The following PPL variants were observed in gnomAD, a reference collection of about 807,000 sequenced individuals.
The protein encoded by PPL is 190 kDa paraneoplastic pemphigus antigen.
A neutral mutation model predicts 194.4 loss-of-function variants in PPL; 198 were observed. That is an observed-to-expected ratio of 1.02 (90% CI 0.91 to 1.15). The LOEUF (loss-of-function observed/expected upper bound fraction) is 1.15, where lower values mean the gene tolerates loss of function less well. Ranked by LOEUF, PPL falls within the 50% of genes most tolerant of loss-of-function variation. The pLI is 0.00. For missense variants in PPL, 2,885 were observed against 2,294.8 expected, an observed-to-expected ratio of 1.26 and a Z score of -5.25; for synonymous variants, 1,220 against 972.4, an observed-to-expected ratio of 1.25 and a Z score of -4.74.
At chr16:4,921,015 C>T (rs943222461) in intron 1 of PPL, among the ~76,000 whole-genome samples, 4 of 152,200 alleles carry the variant, frequency 2.6e-5, no homozygotes, top group African/African-American at 9.6e-5. Context: ...CTTGTTGACG[C>T]TGTGGGTCAG....
intron 12 of PPL, chr16:4,893,971 T>C: frequency 2.5e-6 from 1 of 397,874 alleles, no homozygotes; most frequent in Non-Finnish European, 4.5e-6. Context: ...ATCCACTCAT[T>C]CAGCAAGGAG....
Position 4,884,953 on chromosome 16 carries a change from T to C in PPL, c.3702A>G (p.Glu1234=). The change falls in exon 22 of 22, where the codon GAA becomes GAG. Residue 1234 remains glutamate (E), a synonymous_variant. Coordinates refer to ENST00000345988, the MANE Select transcript of PPL (RefSeq NM_002705.5). This position sits in a 1 kb window ranked among gnomAD's most constrained non-coding sequence, Gnocchi z 5.7. ...CAGGGTCAGTCTTGTACTTAATGAC[T>C]TCCTTAGTCACCTCTTTGACTTCCA... The part of the protein sequence containing the change: ...PQVEVKEVTK[E]VIKYKTDPEM... 2 of 1,614,144 alleles carry C rather than the reference T, an allele frequency of 1.2e-6. No individual in the cohort carries two copies. Among genetic ancestry groups the C allele is most frequent in the South Asian group, 2.2e-5 (2 of 91,090 alleles).
chr16:4,917,582 T>C (rs973948872), intron 1 of PPL, among the ~76,000 whole-genome samples: 1 of 152,126 alleles, frequency 6.6e-6, no homozygotes, highest in African/African-American at 2.4e-5. Context: ...ATCGTGGGGA[T>C]GGCTGTACAA....
intron 1 of PPL, among the ~76,000 whole-genome samples, chr16:4,924,331 C>G (rs911497220): frequency 6.6e-6 from 1 of 152,150 alleles, no homozygotes; most frequent in African/African-American, 2.4e-5. Flanking sequence ...CCCTGGCACA[C>G]AGACATACGT....
At chr16:4,889,736 G>T (rs890512522) in intron 18 of PPL, among the ~76,000 whole-genome samples, 15 of 152,230 alleles carry the variant, frequency 9.9e-5, no homozygotes, top group African/African-American at 3.4e-4. Flanking sequence ...TTATGAGTGA[G>T]GAAAGCTTCT....
intron 1 of PPL, among the ~76,000 whole-genome samples, chr16:4,922,131 G>C (rs2089062301): frequency 6.6e-6 from 1 of 151,974 alleles, no homozygotes; most frequent in Non-Finnish European, 1.5e-5. Context: ...CCAGACCAAA[G>C]CCAGACAGCC....
chr16:4,933,036 C>A (rs1337947024), intron 1 of PPL, among the ~76,000 whole-genome samples: 1 of 151,214 alleles, frequency 6.6e-6, no homozygotes, highest in Non-Finnish European at 1.5e-5. Flanking sequence ...GAGTCTCACT[C>A]TTTTACCCAG....
At chr16:4,923,817 G>A (rs781665293) in intron 1 of PPL, among the ~76,000 whole-genome samples, 1 of 152,062 alleles carries the variant, frequency 6.6e-6, no homozygotes, top group Non-Finnish European at 1.5e-5. Flanking sequence ...GGGTGTGGCC[G>A]CACCATGATT....
At chr16:4,915,139 G>A (rs969534756) in intron 1 of PPL, among the ~76,000 whole-genome samples, 5 of 152,232 alleles carry the variant, frequency 3.3e-5, no homozygotes, top group Non-Finnish European at 5.9e-5. Context: ...TGCAAGAAAA[G>A]CCACCTTCTG....
chr16:4,884,322 GC>G lies in PPL; in HGVS notation c.4332del (p.Gln1445ArgfsTer93). On this transcript the variant is annotated frameshift_variant, in exon 22 of 22. Coordinates refer to ENST00000345988, the MANE Select transcript of PPL (RefSeq NM_002705.5). LOFTEE classifies it high-confidence loss of function. This position sits in a 1 kb window ranked among gnomAD's most constrained non-coding sequence, Gnocchi z 5.7. ...GGGTCCTGCTGCAGCACCACCTTCT[GC>G]GTATGGGTTACCTTCTCACGGGCCT... ...EAEAREKVTH[T>X]QKVVLQQDPQ... 1.2e-6 allele frequency: 2 copies of G among 1,613,094 alleles called. No individual in the cohort carries two copies. Among genetic ancestry groups the G allele is most frequent in the Non-Finnish European group, 1.7e-6 (2 of 1,179,804 alleles).
chr16:4,920,880 G>A (rs2089036389), intron 1 of PPL, among the ~76,000 whole-genome samples: 2 of 152,342 alleles, frequency 1.3e-5, no homozygotes, highest in African/African-American at 2.4e-5. Context: ...AGGGATTACA[G>A]GCATGAGCCC....
At chr16:4,920,688 C>G (rs142778610) in intron 1 of PPL, among the ~76,000 whole-genome samples, 234 of 152,256 alleles carry the variant, frequency 1.5e-3, no homozygotes, top group African/African-American at 5.5e-3. Flanking sequence ...GTCTTGAACT[C>G]CTGATCAGGT....
chr16:4,933,626 C>T (rs1479417460), intron 1 of PPL, among the ~76,000 whole-genome samples: 1 of 152,160 alleles, frequency 6.6e-6, no homozygotes, highest in East Asian at 1.9e-4. Flanking sequence ...GTGGAGACCT[C>T]ATCTGTCCGG....
chr16:4,897,279 G>C (rs2088448852), intron 9 of PPL, among the ~76,000 whole-genome samples: 1 of 138,902 alleles, frequency 7.2e-6, no homozygotes, highest in African/African-American at 2.7e-5. Context: ...AGGTTGTAGT[G>C]AGCCGAGATG....
rs191730234 is a variant in PPL, at chr16:4,914,974, G to C, written c.63-4025C>G. On this transcript the variant is annotated intron_variant, in intron 1 of 21. Coordinates refer to ENST00000345988, the MANE Select transcript of PPL (RefSeq NM_002705.5). ...GCCAGGCCAGCTGCACCTAGAGGCGGTGAGTCTCACCCCAAATATTTAACC... is the reference window on the plus strand; with the variant it reads ...GCCAGGCCAGCTGCACCTAGAGGCGCTGAGTCTCACCCCAAATATTTAACC... 4.4e-3 allele frequency among the ~76,000 whole-genome samples: 672 copies of C among 152,294 alleles called. 2 individuals are homozygous for C. The highest frequency in any genetic ancestry group is 6.7e-3 in the Non-Finnish European group (457 of 68,016).
intron 18 of PPL, among the ~76,000 whole-genome samples, 180 bp downstream of exon 18, chr16:4,890,004 G>T (rs1417659630): frequency 6.6e-6 from 1 of 152,248 alleles, no homozygotes; most frequent in African/African-American, 2.4e-5. Context: ...GACACACTCG[G>T]TTCTTGTTCT....
chr16:4,923,052 G>A (rs1403071077), intron 1 of PPL, among the ~76,000 whole-genome samples: 1 of 152,182 alleles, frequency 6.6e-6, no homozygotes, highest in Non-Finnish European at 1.5e-5. Context: ...AGAGTCAGTA[G>A]GTTTGGGGAT....
Position 4,887,130 on chromosome 16 carries a change from G to C in PPL, c.2607+5C>G. On this transcript the variant is annotated splice_donor_5th_base_variant and intron_variant, in intron 21 of 21. Transcript: ENST00000345988. ...GAAGTAGAATTTCTTACTAAGATCA[G>C]TTACCTGTCTGAGGAGATTCAGAGC... The C allele has an allele frequency of 6.2e-7, 1 of 1,605,000 alleles. No homozygotes were observed. Among genetic ancestry groups the C allele is most frequent in the Non-Finnish European group, 8.5e-7 (1 of 1,171,736 alleles).
At chr16:4,927,755 C>G (rs2089177624) in intron 1 of PPL, among the ~76,000 whole-genome samples, 1 of 152,164 alleles carries the variant, frequency 6.6e-6, no homozygotes, top group South Asian at 2.1e-4. Context: ...TTTTTAAGGC[C>G]TAATCTGTTT....
Sources: allele counts gnomAD v4.1 joint callset (sites outside exome capture counted in the v4.1 genomes callset), GRCh38; gene constraint gnomAD v4.1.1; non-coding constraint Gnocchi (gnomAD v3.1); transcripts MANE v1.5; gene names NCBI Gene and HGNC (gene_info 2026-07-23, HGNC 2026-07-21).